Variants in SNX29 observed in about 807,000 individuals in gnomAD.
The protein encoded by SNX29 is sorting nexin 29.
SNX29 carries 78 observed loss-of-function variants against 102.1 expected under a neutral mutation model. That is an observed-to-expected ratio of 0.76 (90% confidence interval 0.64 to 0.92). The LOEUF (loss-of-function observed/expected upper bound fraction) is 0.92. SNX29 is among the 40% of genes least tolerant of loss of function. The pLI, the probability that SNX29 is intolerant of heterozygous loss-of-function variation, is 0.00. For synonymous variants in SNX29, 580 were observed against 414.5 expected (o/e 1.40, Z -4.85); for missense variants, 1,280 against 1,061.7 (o/e 1.21, Z -2.86).
chr16:12,455,403 C>G lies in SNX29; in HGVS notation c.2038-22316C>G, dbSNP rs144991298. Among the ~76,000 whole-genome samples, 217 of 152,302 alleles carry G rather than the reference C, an allele frequency of 1.4e-3. 2 individuals are homozygous for G. The highest frequency in any genetic ancestry group is 6.8e-3 in the Middle Eastern group (2 of 294). On this transcript the variant is annotated intron_variant, in intron 18 of 20. Transcript: ENST00000566228. ...ACACCAGGCAAGCCCTGCATACCGG[C>G]TTGGCCAGCACCCGCCGTGGCTGTA...
At chr16:12,131,484 C>G (rs1441449003) in intron 13 of SNX29, among the ~76,000 whole-genome samples, 1 of 152,132 alleles carries the variant, frequency 6.6e-6, no homozygotes, top group Non-Finnish European at 1.5e-5. Context: ...TTTATTGTTT[C>G]CATATAGGCC....
chr16:12,122,395 C>A (rs1200371556), intron 11 of SNX29, among the ~76,000 whole-genome samples: 3 of 152,192 alleles, frequency 2.0e-5, no homozygotes, highest in Admixed American at 2.0e-4. Flanking sequence ...GGCTGAGTCT[C>A]TGAGCGGAGG....
chr16:12,231,692 C>T (rs2077775778), intron 14 of SNX29, among the ~76,000 whole-genome samples: 1 of 152,134 alleles, frequency 6.6e-6, no homozygotes, highest in African/African-American at 2.4e-5. Flanking sequence ...TAAGGTTTTT[C>T]TGACTTCTGT....
chr16:12,393,349 G>A (rs916328966), intron 16 of SNX29, among the ~76,000 whole-genome samples: 1 of 141,618 alleles, frequency 7.1e-6, no homozygotes, highest in African/African-American at 2.7e-5. Flanking sequence ...AAATCTGTTG[G>A]CATTTCAGGG....
intron 15 of SNX29, among the ~76,000 whole-genome samples, chr16:12,333,654 G>T (rs564425186): frequency 1.3e-5 from 2 of 152,142 alleles, no homozygotes; most frequent in East Asian, 3.9e-4. Flanking sequence ...CTCTTCCCCA[G>T]GGCTCCCAGT....
chr16:12,476,058 C>G (rs545524191), intron 18 of SNX29, among the ~76,000 whole-genome samples: 11 of 151,952 alleles, frequency 7.2e-5, no homozygotes, highest in African/African-American at 2.7e-4. Context: ...TGGTGGGTCA[C>G]GCCTATAATC....
chr16:12,554,967 AG>A (rs1052979944), intron 20 of SNX29, among the ~76,000 whole-genome samples: 2 of 150,592 alleles, frequency 1.3e-5, no homozygotes, highest in Admixed American at 6.6e-5. Flanking sequence ...GGAGGTGGTG[AG>A]GGGGGTCAGT....
intron 18 of SNX29, among the ~76,000 whole-genome samples, chr16:12,464,821 T>A (rs2086978281): frequency 6.6e-6 from 1 of 151,334 alleles, no homozygotes; most frequent in African/African-American, 2.4e-5. Flanking sequence ...CTATTTTTAT[T>A]TGTTGGAGGT....
chr16:12,224,031 G>A (rs1207393466), intron 14 of SNX29, among the ~76,000 whole-genome samples: 2 of 152,160 alleles, frequency 1.3e-5, no homozygotes, highest in Non-Finnish European at 2.9e-5. Flanking sequence ...CCAGAGCCAC[G>A]GCTTCTACCT....
chr16:12,454,625 A>G (rs2086454574), intron 18 of SNX29, among the ~76,000 whole-genome samples: 1 of 152,222 alleles, frequency 6.6e-6, no homozygotes, highest in African/African-American at 2.4e-5. Flanking sequence ...AGAACAGATC[A>G]GGCAGGGCCC....
intron 15 of SNX29, among the ~76,000 whole-genome samples, chr16:12,338,192 A>C (rs1156986329): frequency 6.6e-6 from 1 of 152,226 alleles, no homozygotes; most frequent in African/African-American, 2.4e-5. Context: ...TCGCCTCTGC[A>C]GTTTGCCGAA....
At chr16:12,486,347 C>T (rs2088230825) in intron 19 of SNX29, among the ~76,000 whole-genome samples, 1 of 152,182 alleles carries the variant, frequency 6.6e-6, no homozygotes, top group Admixed American at 6.5e-5. Flanking sequence ...TGTACAGTAG[C>T]ATATTCACAG....
At chr16:12,343,390 C>T (rs1336874732) in intron 15 of SNX29, among the ~76,000 whole-genome samples, 3 of 152,230 alleles carry the variant, frequency 2.0e-5, no homozygotes, top group African/African-American at 7.2e-5. Context: ...AGAGAAGCTG[C>T]CCCAGGCCCT....
At chr16:12,435,514 G>T (rs1306807892) in intron 18 of SNX29, among the ~76,000 whole-genome samples, 1 of 152,150 alleles carries the variant, frequency 6.6e-6, no homozygotes, top group South Asian at 2.1e-4. Flanking sequence ...GCATGGCTTT[G>T]GCTACTTCCA....
chr16:12,493,944 T>C (rs975169035), intron 19 of SNX29, among the ~76,000 whole-genome samples: 1 of 152,242 alleles, frequency 6.6e-6, no homozygotes, highest in Non-Finnish European at 1.5e-5. Flanking sequence ...ACTGATGATC[T>C]GCTCGTGATT....
intron 15 of SNX29, among the ~76,000 whole-genome samples, chr16:12,342,900 G>A (rs974494431): frequency 5.3e-5 from 8 of 152,204 alleles, no homozygotes; most frequent in Admixed American, 1.3e-4. Context: ...CAAATGAATG[G>A]CTGCATACCC....
chr16:12,435,090 T>C (rs977916371), intron 18 of SNX29, among the ~76,000 whole-genome samples: 5 of 152,030 alleles, frequency 3.3e-5, no homozygotes, highest in African/African-American at 1.2e-4. Context: ...AGGAGAGGGT[T>C]GGAGGGATCA....
intron 19 of SNX29, among the ~76,000 whole-genome samples, chr16:12,512,445 C>T (rs1184649091): frequency 5.9e-5 from 7 of 118,974 alleles, no homozygotes; most frequent in African/African-American, 2.1e-4. Flanking sequence ...ACAGGGTCTC[C>T]CTCTGTTGCC....
chr16:12,555,549 G>C (rs909175650), intron 20 of SNX29, among the ~76,000 whole-genome samples: 2 of 150,934 alleles, frequency 1.3e-5, no homozygotes, highest in Non-Finnish European at 2.9e-5. Context: ...GTCATACCGT[G>C]GGTTTGAGCA....
Sources: allele counts gnomAD v4.1 joint callset (sites outside exome capture counted in the v4.1 genomes callset), GRCh38; gene constraint gnomAD v4.1.1; transcripts MANE v1.5; gene names NCBI Gene and HGNC (gene_info 2026-07-23, HGNC 2026-07-21).